Variants in SMAD3 observed in about 807,000 individuals in gnomAD.
SMAD3 encodes MAD homolog 3.
In SMAD3, 12 loss-of-function variants were observed where a neutral mutation model predicts 51.8. That is an observed-to-expected ratio of 0.23 (90% CI 0.15 to 0.38). The LOEUF is 0.38. Ranked by LOEUF, SMAD3 falls within the 10% of genes least tolerant of loss-of-function variation. SMAD3 has a pLI of 1.00. For missense variants in SMAD3, 294 were observed against 565.6 expected (o/e 0.52, Z 4.87); for synonymous variants, 238 against 227.7 (o/e 1.05, Z -0.41).
chr15:67,084,047 G>A (rs1395491710), intron 1 of SMAD3, among the ~76,000 whole-genome samples: 1 of 144,032 alleles, frequency 6.9e-6, no homozygotes, highest in Non-Finnish European at 1.5e-5. Flanking sequence ...CTGTGTATCC[G>A]TTCTCAGATT....
At chr15:67,166,609 C>T in intron 3 of SMAD3, 170 bp from the exon 4 acceptor site, 1 of 678,392 alleles carries the variant, frequency 1.5e-6, no homozygotes, top group Non-Finnish European at 2.7e-6. Context: ...CAGAGGTGGA[C>T]AGGGGCGAGG....
chr15:67,082,130 C>CG (rs11427899), intron 1 of SMAD3, among the ~76,000 whole-genome samples: 98,735 of 151,624 alleles, frequency 0.65, 32,389 homozygotes, highest in South Asian at 0.81. Flanking sequence ...AGCTTGCAGT[C>CG]AGGTGGAGAG....
At chr15:67,117,578 T>C (rs1040256893) in intron 1 of SMAD3, among the ~76,000 whole-genome samples, 43 of 152,090 alleles carry the variant, frequency 2.8e-4, no homozygotes, top group Admixed American at 2.7e-3. Flanking sequence ...TGGGCGACTC[T>C]GGTGGGTGTG....
intron 1 of SMAD3, among the ~76,000 whole-genome samples, chr15:67,153,476 C>T (rs907541496): frequency 3.1e-5 from 4 of 130,058 alleles, no homozygotes; most frequent in African/African-American, 1.2e-4. Context: ...AAGAGCAAAA[C>T]TCCGTCTTGG....
At chr15:67,134,705 C>CA (rs1961611338) in intron 1 of SMAD3, among the ~76,000 whole-genome samples, 1 of 152,192 alleles carries the variant, frequency 6.6e-6, no homozygotes, top group South Asian at 2.1e-4. Flanking sequence ...CTCTGGCTCT[C>CA]AAAGACTCTG....
intron 1 of SMAD3, among the ~76,000 whole-genome samples, chr15:67,156,594 A>G (rs931522055): frequency 2.6e-5 from 4 of 152,346 alleles, no homozygotes; most frequent in Non-Finnish European, 4.4e-5. Context: ...CCTGCAAGTT[A>G]ATTGGGAAAA....
At chr15:67,183,216 G>A (rs1963134038) in intron 6 of SMAD3, among the ~76,000 whole-genome samples, 2 of 150,270 alleles carry the variant, frequency 1.3e-5, no homozygotes, top group African/African-American at 4.9e-5. Flanking sequence ...CTAATTTTTT[G>A]TATTTTTAGT....
At chr15:67,098,843 G>T (rs1408016554) in intron 1 of SMAD3, 3 of 700,454 alleles carry the variant, frequency 4.3e-6, no homozygotes, top group Non-Finnish European at 7.8e-6. Context: ...CTCAGCTGGG[G>T]GATTTGGGGA....
rs554645389 is a variant in SMAD3 at position 67,122,456 on chromosome 15, C to T, written c.207-42439C>T. On this transcript the variant is annotated intron_variant, in intron 1 of 8. Transcript: ENST00000327367. ...GGTAATCCTTTGGCCCATTTCCTAT[C>T]GGGGGATTTATGGAGCTGGTGATCT... is the stretch of plus-strand genomic sequence containing the variant. 2.1e-4 allele frequency among the ~76,000 whole-genome samples: 32 copies of T among 152,228 alleles called. No homozygotes were observed. The South Asian group carries it at 4.6e-3, about 22-fold the overall frequency.
At chr15:67,123,391 C>T (rs1347448992) in intron 1 of SMAD3, among the ~76,000 whole-genome samples, 4 of 152,032 alleles carry the variant, frequency 2.6e-5, no homozygotes, top group Admixed American at 6.5e-5. Context: ...CCCAGCTACT[C>T]GGGAGGCTAA....
chr15:67,083,907 G>T (rs939121956), intron 1 of SMAD3, among the ~76,000 whole-genome samples: 3 of 152,098 alleles, frequency 2.0e-5, no homozygotes, highest in Non-Finnish European at 4.4e-5. Context: ...TTCTGGGTGA[G>T]GTTGAGGGTC....
intron 1 of SMAD3, among the ~76,000 whole-genome samples, chr15:67,114,777 C>A (rs986597034): frequency 1.3e-5 from 2 of 152,138 alleles, no homozygotes; most frequent in South Asian, 4.2e-4. Context: ...ATTTTGGGTA[C>A]CTTCAAACAG....
At chr15:67,162,770 G>A (rs1033465345) in intron 1 of SMAD3, among the ~76,000 whole-genome samples, 3 of 151,558 alleles carry the variant, frequency 2.0e-5, no homozygotes, top group African/African-American at 7.3e-5. Context: ...CCCTTCTCCC[G>A]CACCCCTTTG....
At chr15:67,066,450 A>G in intron 1 of SMAD3, 90 bp downstream of exon 1, 1 of 993,778 alleles carries the variant, frequency 1.0e-6, no homozygotes, top group Non-Finnish European at 1.5e-6. Context: ...AGATGGGAAG[A>G]GGGAGAGAGA....
chr15:67,093,126 C>G, intron 1 of SMAD3, among the ~76,000 whole-genome samples: 1 of 152,172 alleles, frequency 6.6e-6, no homozygotes, highest in East Asian at 1.9e-4. Flanking sequence ...TCACTCATGT[C>G]TAGCCACTTG....
At chr15:67,076,348 G>A (rs1180521830) in intron 1 of SMAD3, among the ~76,000 whole-genome samples, 1 of 152,200 alleles carries the variant, frequency 6.6e-6, no homozygotes, top group African/African-American at 2.4e-5. Flanking sequence ...TGGGGCGGGG[G>A]ATGGGTAAGA....
intron 6 of SMAD3, among the ~76,000 whole-genome samples, chr15:67,183,360 T>G (rs1335477105): frequency 6.6e-6 from 1 of 151,996 alleles, no homozygotes; most frequent in Non-Finnish European, 1.5e-5. Context: ...TTTAAGTTAC[T>G]GAAACGAAAC....
Position 67,191,453 on chromosome 15 carries a change from A to T in SMAD3, c.*917A>T, listed in dbSNP as rs181289276. 4.3e-6 allele frequency: 1 copy of T among 233,420 alleles called. No homozygotes were observed. The highest frequency in any genetic ancestry group is 5.6e-5 in the Admixed American group (1 of 17,806). 14.5% of individuals were successfully genotyped at this position (233,420 alleles called of 1,614,324 possible). A position where few individuals can be genotyped will look rare whatever the true frequency, so the allele number is the denominator to read the frequency against. On this transcript the variant is annotated 3_prime_UTR_variant, in exon 9 of 9. Transcript: ENST00000327367. ...CTGTAAGAGCTTGCTCCAGATTCTG[A>T]TGCATACGGCTATATTGGTTTATGT...
chr15:67,124,774 G>A (rs577981662), intron 1 of SMAD3, among the ~76,000 whole-genome samples: 1 of 152,310 alleles, frequency 6.6e-6, no homozygotes, highest in Non-Finnish European at 1.5e-5. Context: ...TGAATGAGGG[G>A]CATCTAGAGG....
Sources: allele counts gnomAD v4.1 joint callset (sites outside exome capture counted in the v4.1 genomes callset), GRCh38; gene constraint gnomAD v4.1.1; transcripts MANE v1.5; gene names NCBI Gene and HGNC (gene_info 2026-07-23, HGNC 2026-07-21).